FBXW8: variants seen among roughly 807,000 people sequenced by gnomAD.
The protein encoded by FBXW8 is F-box/WD repeat-containing protein 8.
A neutral mutation model predicts 65.3 loss-of-function variants in FBXW8; 57 were observed. That is an observed-to-expected ratio of 0.87 (90% CI 0.71 to 1.09). The LOEUF (loss-of-function observed/expected upper bound fraction) is 1.09, where lower values mean the gene tolerates loss of function less well. FBXW8 is among the 50% of genes least tolerant of loss of function. The probability of loss-of-function intolerance (pLI) is 0.00; values close to 1 mark genes in which losing one functional copy is unlikely to be tolerated. For synonymous variants in FBXW8, 308 were observed against 330.2 expected, an observed-to-expected ratio of 0.93 and a Z score of 0.73; for missense variants, 777 against 814.8, an observed-to-expected ratio of 0.95 and a Z score of 0.57.
intron 5 of FBXW8, among the ~76,000 whole-genome samples, chr12:116,983,850 CTCCTT>C (rs1885480047): frequency 6.6e-6 from 1 of 152,214 alleles, no homozygotes; most frequent in Admixed American, 6.5e-5. Flanking sequence ...TGTGGCCGGT[CTCCTT>C]TCATCTGCCT....
intron 5 of FBXW8, 79 bp downstream of exon 5, chr12:116,964,933 C>A: frequency 7.0e-6 from 10 of 1,419,860 alleles, no homozygotes; most frequent in Admixed American, 4.6e-5. Context: ...CCGGCTCCCC[C>A]CTGTAATCCC....
At position 117,028,080 on chromosome 12, in the gene FBXW8, C is replaced by T. The variant is rs202073605; in HGVS notation, c.1705C>T (p.Gln569Ter). The part of the protein sequence containing the change: ...YEFAVDQLAF[Q>*]SPLPVCRSSC... ...GTTTGCGGTGGACCAGCTGGCCTTC[C>T]AGAGCCCTCTCCCTGTCTGCCGTTC... Residue 569 changes from glutamine to a stop codon, truncating the protein, a stop_gained, in exon 11 of 11, where the codon CAG becomes TAG. Transcript: ENST00000652555. LOFTEE classifies it low-confidence loss of function (END_TRUNC). The surrounding 1 kb of genome is among the most constrained non-coding windows in gnomAD (Gnocchi z 4.1). 1.7e-5 allele frequency: 27 copies of T among 1,614,142 alleles called. No homozygotes were observed. The East Asian group carries it at 5.8e-4, about 35-fold the overall frequency.
intron 7 of FBXW8, among the ~76,000 whole-genome samples, chr12:117,009,518 C>A (rs568487238): frequency 1.3e-4 from 20 of 152,192 alleles, no homozygotes; most frequent in Non-Finnish European, 2.5e-4. Context: ...GAGGAGCCTT[C>A]TGAATGTGAA....
intron 7 of FBXW8, among the ~76,000 whole-genome samples, chr12:117,008,296 C>T (rs1203806894): frequency 1.3e-5 from 2 of 152,230 alleles, no homozygotes; most frequent in East Asian, 1.9e-4. Flanking sequence ...TATAATAGAA[C>T]GTGAGGTTGC....
rs529437056 is a variant in FBXW8 at position 117,010,407 on chromosome 12, G to A, written c.1324G>A (p.Asp442Asn). The change falls in exon 8 of 11, where the codon GAC (aspartate) becomes AAC (asparagine). Residue 442 changes from aspartate to asparagine, a missense_variant. Physicochemically the swap from Asp to Asn is conservative, Grantham distance 23 (BLOSUM62 1). Transcript: ENST00000652555. Reference sequence around the variant, plus strand: ...TGACTTCACGTGTGTCAACCTCAGCGACAGCCCTCCCAACCTCATGGTCAG... The same window carrying A: ...TGACTTCACGTGTGTCAACCTCAGCAACAGCCCTCCCAACCTCATGGTCAG... ...LRDFTCVNLSDSPPNLMVSGN... is the reference protein window; with the variant it reads ...LRDFTCVNLSNSPPNLMVSGN... The A allele has an allele frequency of 4.3e-5, 70 of 1,614,198 alleles. No homozygotes were observed. In the South Asian group the frequency reaches 5.8e-4, roughly 13 times the overall value.
intron 8 of FBXW8, among the ~76,000 whole-genome samples, chr12:117,016,431 T>C (rs977738038): frequency 6.6e-6 from 1 of 152,264 alleles, no homozygotes; most frequent in Admixed American, 6.5e-5. Flanking sequence ...GAGAGATGTC[T>C]ATCCAAATCC....
intron 2 of FBXW8, among the ~76,000 whole-genome samples, chr12:116,935,280 TATTTCAA>T (rs1160424207): frequency 6.6e-6 from 1 of 152,188 alleles, no homozygotes; most frequent in Non-Finnish European, 1.5e-5. Context: ...TAGATTATGG[TATTTCAA>T]GTTTCAAGGA....
At chr12:116,931,909 G>T (rs551530726) in intron 2 of FBXW8, among the ~76,000 whole-genome samples, 19 of 152,046 alleles carry the variant, frequency 1.2e-4, no homozygotes, top group African/African-American at 4.3e-4. Flanking sequence ...TGGTGAGAGT[G>T]TGCATCCTTG....
chr12:116,912,136 A>G (rs1289933561), intron 1 of FBXW8, among the ~76,000 whole-genome samples: 1 of 150,644 alleles, frequency 6.6e-6, no homozygotes, highest in Non-Finnish European at 1.5e-5. Context: ...AAGTCCCTAC[A>G]GCTTTACAAT....
At chr12:116,919,409 A>G (rs1374415486) in intron 1 of FBXW8, among the ~76,000 whole-genome samples, 1 of 152,194 alleles carries the variant, frequency 6.6e-6, no homozygotes, top group Non-Finnish European at 1.5e-5. Flanking sequence ...TTAGCTGTCA[A>G]ATGATGATGA....
rs1343978757 is a variant in FBXW8, at chr12:117,031,038, G to A, written c.*2866G>A. 1 of 152,222 alleles carries A rather than the reference G, an allele frequency of 6.6e-6. No homozygotes were observed. The highest frequency in any genetic ancestry group is 2.4e-5 in the African/African-American group (1 of 41,454). The allele number at this position is 152,222 out of a possible 1,614,324, so 9.4% of individuals were successfully genotyped here. A position where few individuals can be genotyped will look rare whatever the true frequency, so the allele number is the denominator to read the frequency against. ...GATACTCGAGCATGCTGCCAGGGGA[G>A]CTGGATGGTGAAACACCTGAAGATC... On this transcript the variant is annotated 3_prime_UTR_variant, in exon 11 of 11. Coordinates refer to ENST00000652555, the MANE Select transcript of FBXW8 (RefSeq NM_153348.3).
At position 116,936,900 on chromosome 12, in the gene FBXW8, GGT is replaced by G. The variant is rs1179810976; in HGVS notation, c.424-8462_424-8461del. On this transcript the variant is annotated intron_variant, in intron 2 of 10. Coordinates refer to ENST00000652555, the MANE Select transcript of FBXW8 (RefSeq NM_153348.3). The surrounding 1 kb of genome is among the most constrained non-coding windows in gnomAD (Gnocchi z 4.6). ...GCCTTTGGAGTGCTTTGAGCAGAGG[GGT>G]GACAAGGGCTGCCCTACGTTTAAAA... Among the ~76,000 whole-genome samples, 1 of 152,074 alleles carries G rather than the reference GGT, an allele frequency of 6.6e-6. No homozygotes were observed. Among genetic ancestry groups the G allele is most frequent in the Non-Finnish European group, 1.5e-5 (1 of 68,012 alleles).
chr12:116,919,144 A>AG (rs1366030297), intron 1 of FBXW8, among the ~76,000 whole-genome samples: 2 of 152,166 alleles, frequency 1.3e-5, no homozygotes, highest in Non-Finnish European at 2.9e-5. Flanking sequence ...ACCGCGGATA[A>AG]GGGGGGACGA....
chr12:117,020,865 C>G (rs1402605208), intron 8 of FBXW8, among the ~76,000 whole-genome samples: 1 of 152,224 alleles, frequency 6.6e-6, no homozygotes, highest in Non-Finnish European at 1.5e-5. Context: ...TTTTATCCAG[C>G]ATTTTTAAGC....
chr12:117,026,392 C>T (rs1461086460), intron 9 of FBXW8, among the ~76,000 whole-genome samples: 1 of 151,452 alleles, frequency 6.6e-6, no homozygotes, highest in Non-Finnish European at 1.5e-5. Context: ...CTCCAGGCTG[C>T]AGGCCTCCAC....
intron 5 of FBXW8, chr12:116,977,688 C>T (rs1033852386): frequency 6.6e-6 from 1 of 152,214 alleles, no homozygotes; most frequent in Non-Finnish European, 1.5e-5. Flanking sequence ...TGGCCTCAGT[C>T]TGAGGCTGCA....
Position 116,910,984 on chromosome 12 carries a change from T to A in FBXW8, c.-54T>A. 10 of 1,338,558 alleles carry A rather than the reference T, an allele frequency of 7.5e-6. No homozygotes were observed. Among genetic ancestry groups the A allele is most frequent in the Non-Finnish European group, 9.5e-6 (10 of 1,048,850 alleles). The allele number at this position is 1,338,558 out of a possible 1,614,324, so 82.9% of individuals were successfully genotyped here. A position where few individuals can be genotyped will look rare whatever the true frequency, so the allele number is the denominator to read the frequency against. On this transcript the variant is annotated 5_prime_UTR_variant, in exon 1 of 11. Coordinates refer to ENST00000652555, the MANE Select transcript of FBXW8 (RefSeq NM_153348.3). Reference sequence around the variant, plus strand: ...GCGGACACTTCCCTGGGCGGGACTGTCTCGTGGCACCCGGTGGAACCGAGG... The same window carrying A: ...GCGGACACTTCCCTGGGCGGGACTGACTCGTGGCACCCGGTGGAACCGAGG...
chr12:116,915,051 A>G (rs961124495), intron 1 of FBXW8, among the ~76,000 whole-genome samples: 1 of 152,262 alleles, frequency 6.6e-6, no homozygotes, highest in African/African-American at 2.4e-5. Flanking sequence ...ACTAATCTGT[A>G]GATGAGCATT....
At chr12:116,948,908 C>G (rs1395078208) in intron 3 of FBXW8, 1 of 152,288 alleles carries the variant, frequency 6.6e-6, no homozygotes, top group African/African-American at 2.4e-5. Flanking sequence ...GTGCATGCCA[C>G]CACACCTGAC....
Sources: allele counts gnomAD v4.1 joint callset (sites outside exome capture counted in the v4.1 genomes callset), GRCh38; gene constraint gnomAD v4.1.1; non-coding constraint Gnocchi (gnomAD v3.1); transcripts MANE v1.5; gene names NCBI Gene and HGNC (gene_info 2026-07-23, HGNC 2026-07-21).